The following CDHR3 variants were observed in gnomAD, a reference collection of about 807,000 sequenced individuals.
The protein encoded by CDHR3 is cadherin related family member 3, also known as cadherin-related family member 3.
Under a neutral mutation model 86.6 loss-of-function variants are expected in CDHR3, and 79 were observed. The ratio of observed to expected loss-of-function variants is 0.91; its 90% CI spans 0.76 to 1.10. CDHR3 has a LOEUF of 1.10. Ranked by LOEUF, CDHR3 falls within the 50% of genes least tolerant of loss-of-function variation. The pLI, the probability that CDHR3 is intolerant of heterozygous loss-of-function variation, is 0.00. For missense variants in CDHR3, 1,081 were observed against 1,077.6 expected (o/e 1.00, Z -0.04); for synonymous variants, 421 against 402.4 (o/e 1.05, Z -0.55).
At chr7:105,970,406 T>C (rs1455875534) in intron 1 of CDHR3, among the ~76,000 whole-genome samples, 2 of 152,260 alleles carry the variant, frequency 1.3e-5, no homozygotes, top group Non-Finnish European at 2.9e-5. Context: ...GTGGGCGCCA[T>C]GGCTGACAAT....
At chr7:105,980,607 ATTTT>A (rs35517726) in intron 2 of CDHR3, among the ~76,000 whole-genome samples, 3 of 98,524 alleles carry the variant, frequency 3.0e-5, no homozygotes, top group East Asian at 2.9e-4. Flanking sequence ...TTTTTTTTTA[ATTTT>A]TTTTTTTTTT....
At chr7:105,988,016 A>C (rs570260802) in intron 4 of CDHR3, among the ~76,000 whole-genome samples, 34 of 152,088 alleles carry the variant, frequency 2.2e-4, no homozygotes, top group Non-Finnish European at 3.1e-4. Context: ...TCAGCCTTCC[A>C]AGTAGCTGGG....
chr7:106,022,326 G>A lies in CDHR3; in HGVS notation c.1954G>A (p.Val652Ile), dbSNP rs772184680. 1.3e-5 allele frequency: 21 copies of A among 1,613,884 alleles called. No individual in the cohort carries two copies. The highest frequency in any genetic ancestry group is 3.3e-5 in the Admixed American group (2 of 59,998). The change falls in exon 14 of 19, where the codon GTA becomes ATA. Residue 652 changes from valine to isoleucine, a missense_variant. Transcript: ENST00000317716. Reference protein sequence around the residue: ...KIWDYKLLVYVTDDNLMSDRK... With the variant: ...KIWDYKLLVYITDDNLMSDRK... ...CTGGGACTACAAGCTACTTGTCTAC[G>A]TAACTGATGACAACTTGATGTCTGA...
In CDHR3 at chr7:106,015,152, A is replaced by T; in HGVS notation, c.1266A>T (p.Ala422=). 1 of 1,611,506 alleles carries T rather than the reference A, an allele frequency of 6.2e-7. No individual in the cohort carries two copies. ...DLDYENPSNL[A]AGNKYTVIIQ... is the part of the protein sequence containing the mutation. ...ACTACGAAAATCCAAGTAACCTAGCAGCCGGCAATAAATATACGGTGATAA... is the reference window on the plus strand; with the variant it reads ...ACTACGAAAATCCAAGTAACCTAGCTGCCGGCAATAAATATACGGTGATAA... The change falls in exon 10 of 19, where the codon GCA becomes GCT. Residue 422 remains alanine, a synonymous_variant. Transcript: ENST00000317716.
At position 106,015,939 on chromosome 7, in the gene CDHR3, T is replaced by C; in HGVS notation, c.1340T>C (p.Val447Ala). The C allele has an allele frequency of 6.2e-7, 1 of 1,609,574 alleles. No homozygotes were observed. Among genetic ancestry groups the C allele is most frequent in the Non-Finnish European group, 8.5e-7 (1 of 1,176,392 alleles). ...APPYYKNNVY[V>A]YILTSPENEF... is the part of the protein sequence containing the mutation. ...TTTCCATTTTTAGATAACGTCTACG[T>C]TTATATCCTAACAAGCCCAGAAAAT... The change falls in exon 11 of 19, where the codon GTT becomes GCT. Residue 447 changes from valine (V) to alanine (A), a missense_variant. Val to Ala is a moderately conservative substitution (Grantham distance 64). Coordinates refer to ENST00000317716, the MANE Select transcript of CDHR3 (RefSeq NM_152750.5).
At chr7:106,011,444 G>A (rs994961741) in intron 8 of CDHR3, among the ~76,000 whole-genome samples, 2 of 152,088 alleles carry the variant, frequency 1.3e-5, no homozygotes, top group Non-Finnish European at 2.9e-5. Flanking sequence ...ATGAGGACAA[G>A]AAGAAGCAGA....
Position 106,013,034 on chromosome 7 carries a change from C to A in CDHR3, c.1224+3C>A. 3 of 1,594,334 alleles carry A rather than the reference C, an allele frequency of 1.9e-6. No homozygotes were observed. The South Asian group carries it at 3.4e-5, about 18-fold the overall frequency. Reference sequence around the variant, plus strand: ...CAGCTGGCTCTGGGAAGATTGTGGTCAGTTAATGGTCATTGCATCATTAAA... The same window carrying A: ...CAGCTGGCTCTGGGAAGATTGTGGTAAGTTAATGGTCATTGCATCATTAAA... On this transcript the variant is annotated splice_donor_region_variant and intron_variant, in intron 9 of 18. Transcript: ENST00000317716.
chr7:106,022,394 A>G lies in CDHR3; in HGVS notation c.2022A>G (p.Thr674=). Residue 674 remains threonine, a synonymous_variant, in exon 14 of 19, where the codon ACA becomes ACG. Coordinates refer to ENST00000317716, the MANE Select transcript of CDHR3 (RefSeq NM_152750.5). ...CTCTTGTTGAGACAGGAACAGTGAC[A>G]CTGAGTATTAAAGTCATTCCCCACC... ...AEALVETGTV[T]LSIKVIPHPT... is the part of the protein sequence containing the mutation. The G allele has an allele frequency of 6.2e-7, 1 of 1,614,024 alleles. No individual in the cohort carries two copies. The highest frequency in any genetic ancestry group is 8.5e-7 in the Non-Finnish European group (1 of 1,179,892).
intron 6 of CDHR3, among the ~76,000 whole-genome samples, chr7:105,997,833 T>TG (rs1388001104): frequency 6.6e-6 from 1 of 152,108 alleles, no homozygotes; most frequent in African/African-American, 2.4e-5. Context: ...CTCGCTGGCG[T>TG]GGGATGCACC....
At chr7:105,964,669 A>G (rs1305446353) in intron 1 of CDHR3, among the ~76,000 whole-genome samples, 1 of 152,142 alleles carries the variant, frequency 6.6e-6, no homozygotes. Flanking sequence ...TAAATGTAAG[A>G]ATATTCAAGT....
At chr7:106,015,047 C>G (rs1245248656) in intron 9 of CDHR3, 64 bp from the exon 10 acceptor site, 46 of 1,329,174 alleles carry the variant, frequency 3.5e-5, no homozygotes, top group South Asian at 6.6e-5. Context: ...ATGAAAATGT[C>G]TCTCGCAGCC....
At chr7:105,976,867 T>A (rs1185992172) in intron 2 of CDHR3, among the ~76,000 whole-genome samples, 6 of 152,210 alleles carry the variant, frequency 3.9e-5, no homozygotes, top group Non-Finnish European at 8.8e-5. Flanking sequence ...TTGGGTTGTC[T>A]CCACGTGGGA....
intron 1 of CDHR3, 115 bp downstream of exon 1, chr7:105,963,479 G>A: frequency 9.2e-7 from 1 of 1,085,940 alleles, no homozygotes; most frequent in Admixed American, 1.8e-5. Context: ...TTCAATTGAG[G>A]GCTTAGCTGC....
At chr7:105,999,444 G>A (rs1480975466) in intron 6 of CDHR3, among the ~76,000 whole-genome samples, 1 of 152,184 alleles carries the variant, frequency 6.6e-6, no homozygotes, top group Non-Finnish European at 1.5e-5. Context: ...TGCTGGCATT[G>A]AGCCAGGTAC....
intron 6 of CDHR3, among the ~76,000 whole-genome samples, chr7:105,997,311 G>A (rs984908152): frequency 6.6e-6 from 1 of 152,234 alleles, no homozygotes; most frequent in Non-Finnish European, 1.5e-5. Context: ...TGTTAACATA[G>A]TCTACAGTCC....
At chr7:105,965,537 A>G (rs1205228329) in intron 1 of CDHR3, among the ~76,000 whole-genome samples, 1 of 141,260 alleles carries the variant, frequency 7.1e-6, no homozygotes, top group East Asian at 2.3e-4. Context: ...TCTAACTCCT[A>G]TGCTTCCTTC....
At chr7:106,010,485 C>T (rs1207389528) in intron 8 of CDHR3, among the ~76,000 whole-genome samples, 3 of 152,188 alleles carry the variant, frequency 2.0e-5, no homozygotes, top group African/African-American at 7.2e-5. Context: ...TGTTCAGACT[C>T]CAATCCTGCT....
In CDHR3 at chr7:106,020,363, G is replaced by C; in HGVS notation, c.1654-10G>C. 6.3e-7 allele frequency: 1 copy of C among 1,591,188 alleles called. No homozygotes were observed. Among genetic ancestry groups the C allele is most frequent in the Non-Finnish European group, 8.6e-7 (1 of 1,167,528 alleles). ...AGCTATTGAGAATGACCACCTTCTT[G>C]CTACTCTAGGTTACTGTGAACATCC... On this transcript the variant is annotated splice_polypyrimidine_tract_variant and intron_variant, in intron 12 of 18. Coordinates refer to ENST00000317716, the MANE Select transcript of CDHR3 (RefSeq NM_152750.5).
chr7:105,982,109 TC>T (rs1285997712), intron 3 of CDHR3, among the ~76,000 whole-genome samples: 1 of 152,054 alleles, frequency 6.6e-6, no homozygotes, highest in Non-Finnish European at 1.5e-5. Flanking sequence ...GTCAGTTAAA[TC>T]AAGGCACTCC....
Sources: allele counts gnomAD v4.1 joint callset (sites outside exome capture counted in the v4.1 genomes callset), GRCh38; gene constraint gnomAD v4.1.1; transcripts MANE v1.5; gene names NCBI Gene and HGNC (gene_info 2026-07-23, HGNC 2026-07-21).